CAMK2D: variants seen among roughly 807,000 people sequenced by gnomAD.
The protein encoded by CAMK2D is calcium/calmodulin-dependent protein kinase type II subunit delta.
Under a neutral mutation model 84.0 loss-of-function variants are expected in CAMK2D, and 37 were observed. That is an observed-to-expected ratio of 0.44 (90% CI 0.34 to 0.58). The LOEUF (loss-of-function observed/expected upper bound fraction) is 0.58, where lower values mean the gene tolerates loss of function less well. Ranked by LOEUF, CAMK2D falls within the 20% of genes least tolerant of loss-of-function variation. The pLI is 0.02. For synonymous variants in CAMK2D, 202 were observed against 212.5 expected, an observed-to-expected ratio of 0.95 and a Z score of 0.43; for missense variants, 448 against 652.5, an observed-to-expected ratio of 0.69 and a Z score of 3.41.
At chr4:113,723,412 C>CG (rs1421324286) in intron 2 of CAMK2D, among the ~76,000 whole-genome samples, 1 of 151,736 alleles carries the variant, frequency 6.6e-6, no homozygotes, top group Non-Finnish European at 1.5e-5. Context: ...TTAGTAGATA[C>CG]GGGGTTTCAT....
chr4:113,582,785 C>T (rs915860637), intron 4 of CAMK2D, among the ~76,000 whole-genome samples: 1 of 152,190 alleles, frequency 6.6e-6, no homozygotes, highest in African/African-American at 2.4e-5. Flanking sequence ...ACAGTATATA[C>T]AGTAGACACT....
At chr4:113,749,709 G>C (rs1027958464) in intron 2 of CAMK2D, among the ~76,000 whole-genome samples, 4 of 152,038 alleles carry the variant, frequency 2.6e-5, no homozygotes, top group Admixed American at 1.3e-4. Flanking sequence ...TCATTAATGA[G>C]CCACTTTATA....
At chr4:113,531,461 A>G (rs997038131) in intron 7 of CAMK2D, among the ~76,000 whole-genome samples, 162 bp from the exon 8 acceptor site, 1 of 152,218 alleles carries the variant, frequency 6.6e-6, no homozygotes, top group African/African-American at 2.4e-5. Context: ...TTCTCTTTAT[A>G]GAAATATCAA....
intron 4 of CAMK2D, among the ~76,000 whole-genome samples, chr4:113,576,500 TAG>T (rs1162284694): frequency 6.6e-6 from 1 of 151,982 alleles, no homozygotes; most frequent in African/African-American, 2.4e-5. Context: ...GACAGTAATC[TAG>T]AAGAGTGTGT....
intron 4 of CAMK2D, among the ~76,000 whole-genome samples, chr4:113,604,703 C>T (rs1276644570): frequency 6.6e-6 from 1 of 152,166 alleles, no homozygotes; most frequent in Admixed American, 6.5e-5. Flanking sequence ...AAGACATAAT[C>T]CACTTTAGTT....
chr4:113,466,266 A>ATAAAT (rs34458741), intron 16 of CAMK2D, among the ~76,000 whole-genome samples: 1 of 150,282 alleles, frequency 6.7e-6, no homozygotes, highest in African/African-American at 2.4e-5. Flanking sequence ...TCAAAAATAA[A>ATAAAT]TAAATAAATA....
chr4:113,548,663 G>A, intron 5 of CAMK2D: 3 of 1,524,616 alleles, frequency 2.0e-6, no homozygotes, highest in Non-Finnish European at 2.7e-6. Context: ...TGACCTTCAG[G>A]TCCCTGTGAA....
chr4:113,615,901 C>A (rs1439660400), intron 3 of CAMK2D, among the ~76,000 whole-genome samples: 1 of 151,944 alleles, frequency 6.6e-6, no homozygotes, highest in Non-Finnish European at 1.5e-5. Flanking sequence ...GGCTTAGAAG[C>A]CACAATCTGT....
chr4:113,718,256 A>C (rs2099519541), intron 2 of CAMK2D, among the ~76,000 whole-genome samples: 1 of 152,166 alleles, frequency 6.6e-6, no homozygotes, highest in South Asian at 2.1e-4. Flanking sequence ...GTCTTCCCCA[A>C]AACTTGGGGA....
intron 3 of CAMK2D, among the ~76,000 whole-genome samples, chr4:113,615,641 ATTAAC>A (rs914890107): frequency 2.8e-4 from 43 of 152,284 alleles, no homozygotes; most frequent in African/African-American, 9.9e-4. Context: ...TATAAAATAT[ATTAAC>A]TTGAGTACAT....
At chr4:113,619,329 G>T (rs1167269621) in intron 3 of CAMK2D, among the ~76,000 whole-genome samples, 1 of 152,008 alleles carries the variant, frequency 6.6e-6, no homozygotes, top group African/African-American at 2.4e-5. Flanking sequence ...TTTCTACCCT[G>T]CCCTCTCACT....
At chr4:113,667,091 T>G (rs868751081) in intron 2 of CAMK2D, among the ~76,000 whole-genome samples, 2 of 152,210 alleles carry the variant, frequency 1.3e-5, no homozygotes, top group South Asian at 4.1e-4. Flanking sequence ...GGAAGAAACC[T>G]GGCTGGCTAC....
At chr4:113,570,558 C>G (rs1172829065) in intron 4 of CAMK2D, among the ~76,000 whole-genome samples, 1 of 152,138 alleles carries the variant, frequency 6.6e-6, no homozygotes, top group Non-Finnish European at 1.5e-5. Context: ...AAAAGAGAGT[C>G]TCTTCAGTAA....
At chr4:113,631,564 T>C (rs1271412860) in intron 3 of CAMK2D, among the ~76,000 whole-genome samples, 1 of 152,072 alleles carries the variant, frequency 6.6e-6, no homozygotes, top group Non-Finnish European at 1.5e-5. Flanking sequence ...ACACATCGGC[T>C]CCTCTCTACA....
intron 2 of CAMK2D, among the ~76,000 whole-genome samples, chr4:113,698,263 A>G (rs1327476527): frequency 6.6e-6 from 1 of 152,114 alleles, no homozygotes; most frequent in Non-Finnish European, 1.5e-5. Flanking sequence ...ACCATAATAA[A>G]GCTGAAAAAT....
intron 4 of CAMK2D, among the ~76,000 whole-genome samples, chr4:113,570,730 T>C (rs1415022101): frequency 2.6e-5 from 4 of 152,146 alleles, no homozygotes; most frequent in Non-Finnish European, 5.9e-5. Context: ...CTCCTTGACA[T>C]AGGTCTGAGC....
At chr4:113,556,069 G>A (rs1364094409) in intron 4 of CAMK2D, among the ~76,000 whole-genome samples, 3 of 152,158 alleles carry the variant, frequency 2.0e-5, no homozygotes, top group African/African-American at 4.8e-5. Context: ...TGTTGTTCAA[G>A]CCACCCAAGC....
intron 4 of CAMK2D, among the ~76,000 whole-genome samples, chr4:113,575,876 A>C (rs1209007398): frequency 6.6e-6 from 1 of 152,162 alleles, no homozygotes; most frequent in Non-Finnish European, 1.5e-5. Flanking sequence ...CAAATATTTT[A>C]GTTATGTAAA....
intron 15 of CAMK2D, among the ~76,000 whole-genome samples, chr4:113,500,813 G>A (rs1359670194): frequency 6.6e-6 from 1 of 152,076 alleles, no homozygotes; most frequent in Non-Finnish European, 1.5e-5. Context: ...TGTGTTTTGT[G>A]TTACAGTGCC....
Sources: gnomAD v4.1 joint callset for allele counts (sites outside exome capture counted in the v4.1 genomes callset) on GRCh38, gnomAD v4.1.1 for gene constraint, MANE v1.5 for transcripts, NCBI Gene and HGNC (gene_info 2026-07-23, HGNC 2026-07-21) for gene names.